Variants in GTF3C2 observed in about 807,000 individuals in gnomAD.
The protein encoded by GTF3C2 is general transcription factor IIIC subunit 2.
GTF3C2 carries 17 observed loss-of-function variants against 117.4 expected under a neutral mutation model. The observed-to-expected ratio is 0.14, with a 90% confidence interval of 0.10 to 0.22. The LOEUF is 0.22. GTF3C2 is among the 10% of genes least tolerant of loss of function. The pLI is 1.00. For missense variants in GTF3C2, 888 were observed against 1,143.6 expected (o/e 0.78, Z 3.22); for synonymous variants, 437 against 427.0 (o/e 1.02, Z -0.29).
intron 17 of GTF3C2, among the ~76,000 whole-genome samples, chr2:27,327,544 G>T (rs1033424105): frequency 4.7e-5 from 7 of 150,316 alleles, no homozygotes; most frequent in African/African-American, 1.2e-4. Context: ...GGCTGGTCTT[G>T]AACTCCTGAC....
intron 1 of GTF3C2, chr2:27,355,985 C>T (rs1486624636): frequency 3.0e-6 from 2 of 661,360 alleles, no homozygotes; most frequent in Non-Finnish European, 4.8e-6. Context: ...GAGAACTATT[C>T]AGAAAACAAT....
At chr2:27,328,252 G>A (rs964938519) in intron 16 of GTF3C2, 63 bp from the exon 17 acceptor site, 2 of 1,378,734 alleles carry the variant, frequency 1.5e-6, no homozygotes, top group African/African-American at 2.9e-5. Context: ...GCAGAGGAAA[G>A]TGGTTTGGGC....
At chr2:27,341,842 G>T (rs1680742949) in intron 4 of GTF3C2, 106 bp downstream of exon 4, 2 of 949,616 alleles carry the variant, frequency 2.1e-6, no homozygotes, top group Non-Finnish European at 3.2e-6. Flanking sequence ...AACCTGTTTT[G>T]TCTATTATAG....
At chr2:27,344,309 G>T (rs953924805) in intron 1 of GTF3C2, among the ~76,000 whole-genome samples, 3 of 152,140 alleles carry the variant, frequency 2.0e-5, no homozygotes, top group African/African-American at 7.2e-5. Context: ...CAGATAATGA[G>T]TCACTGCGCC....
At chr2:27,326,973 A>AT in intron 18 of GTF3C2, 80 bp from the exon 19 acceptor site, 1 of 882,088 alleles carries the variant, frequency 1.1e-6, no homozygotes, top group Non-Finnish European at 1.8e-6. Flanking sequence ...GAACAAAAAA[A>AT]AAAAATGAGC....
At chr2:27,336,693 T>G in intron 7 of GTF3C2, 2 of 395,922 alleles carry the variant, frequency 5.1e-6, no homozygotes, top group South Asian at 6.6e-5. Flanking sequence ...ACTGCAGCCG[T>G]GACCTCCCAG....
At position 27,333,957 on chromosome 2, in the gene GTF3C2, G is replaced by T; in HGVS notation, c.1602+17C>A. The T allele has an allele frequency of 1.3e-6, 2 of 1,593,044 alleles. No homozygotes were observed. The highest frequency in any genetic ancestry group is 1.7e-6 in the Non-Finnish European group (2 of 1,160,828). ...AGAAGATGGAGCCTCAGCTAAGGTAGCAGGTTCCTCACTCACCTTATATAT... is the reference window on the plus strand; with the variant it reads ...AGAAGATGGAGCCTCAGCTAAGGTATCAGGTTCCTCACTCACCTTATATAT... On this transcript the variant is annotated intron_variant, in intron 11 of 18. Coordinates refer to ENST00000264720, the Ensembl canonical transcript of GTF3C2.
chr2:27,344,849 G>T (rs1046015295), intron 1 of GTF3C2, among the ~76,000 whole-genome samples: 13 of 152,226 alleles, frequency 8.5e-5, no homozygotes, highest in African/African-American at 2.4e-4. Context: ...GCCGGGCATG[G>T]TGGTGCGCAC....
At position 27,338,460 on chromosome 2, in the gene GTF3C2, GCACACACA is replaced by G. The variant is rs59913490; in HGVS notation, c.856-448_856-441del. Among the ~76,000 whole-genome samples, 315 of 76,184 alleles carry G rather than the reference GCACACACA, an allele frequency of 4.1e-3. 3 individuals are homozygous for G. The highest frequency in any genetic ancestry group is 0.01 in the African/African-American group (297 of 29,294). The allele number at this position is 76,184 out of a possible 152,430, so 50.0% of individuals were successfully genotyped here. ...TACACAGGCGCGCACGCGCACGCGC[GCACACACA>G]CACACACACACACACTCCTGGTAAT... On this transcript the variant is annotated intron_variant, in intron 4 of 18. Transcript: ENST00000264720.
chr2:27,356,495 C>A, intron 1 of GTF3C2: 1 of 233,104 alleles, frequency 4.3e-6, no homozygotes, highest in Non-Finnish European at 9.0e-6. Context: ...GCGTTACCGA[C>A]ACCGCGTGGG....
At chr2:27,340,417 A>T (rs946207485) in intron 4 of GTF3C2, 6 of 151,072 alleles carry the variant, frequency 4.0e-5, no homozygotes, top group African/African-American at 7.3e-5. Context: ...TATTTCTAGT[A>T]GACACAGGGT....
chr2:27,341,461 C>G (rs1365771734), intron 4 of GTF3C2: 1 of 157,852 alleles, frequency 6.3e-6, no homozygotes, highest in African/African-American at 2.4e-5. Context: ...TTCATATTCT[C>G]CAGTTTAATC....
At chr2:27,338,895 T>C (rs920064552) in intron 4 of GTF3C2, among the ~76,000 whole-genome samples, 4 of 152,070 alleles carry the variant, frequency 2.6e-5, no homozygotes, top group Non-Finnish European at 5.9e-5. Context: ...CTTGAACTCC[T>C]GGGCTCAAGC....
chr2:27,333,623 T>C (rs1324955259), intron 12 of GTF3C2, 32 bp downstream of exon 12: 3 of 1,519,818 alleles, frequency 2.0e-6, no homozygotes, highest in South Asian at 1.2e-5. Context: ...TAAAGAGCAA[T>C]AGTTCCTTAT....
chr2:27,349,144 ATT>A (rs36040548), intron 1 of GTF3C2, among the ~76,000 whole-genome samples: 1,149 of 39,164 alleles, frequency 0.029, 6 homozygotes, highest in African/African-American at 0.071. Context: ...GCCTGATTTG[ATT>A]TTTTTTTTTT....
chr2:27,350,620 C>A, intron 1 of GTF3C2: 1 of 506,848 alleles, frequency 2.0e-6, no homozygotes, highest in Non-Finnish European at 2.5e-6. Flanking sequence ...GGCAACACAG[C>A]AAGACTTTGT....
exon 6 of GTF3C2, chr2:27,337,540 T>C: frequency 6.2e-7 from 1 of 1,609,868 alleles, no homozygotes; most frequent in Non-Finnish European, 8.5e-7. Flanking sequence ...ACTCCCAGTA[T>C]GAATGTTTCT....
intron 1 of GTF3C2, among the ~76,000 whole-genome samples, chr2:27,349,955 T>C (rs1681068762): frequency 6.6e-6 from 1 of 152,076 alleles, no homozygotes; most frequent in South Asian, 2.1e-4. Flanking sequence ...GGGAGTAGTT[T>C]ATAATGAATA....
chr2:27,328,711 G>T, intron 15 of GTF3C2, 115 bp from the exon 16 acceptor site: 2 of 1,086,058 alleles, frequency 1.8e-6, no homozygotes, highest in Non-Finnish European at 2.8e-6. Context: ...TACCATAACC[G>T]ACAGCCCTGA....
Sources: allele counts gnomAD v4.1 joint callset (sites outside exome capture counted in the v4.1 genomes callset), GRCh38; gene constraint gnomAD v4.1.1; transcripts MANE v1.5; gene names NCBI Gene and HGNC (gene_info 2026-07-23, HGNC 2026-07-21).